CCNF: variants seen among roughly 807,000 people sequenced by gnomAD.
The protein encoded by CCNF is cyclin-F.
Under a neutral mutation model 85.4 loss-of-function variants are expected in CCNF, and 30 were observed. The ratio of observed to expected loss-of-function variants is 0.35; its 90% CI spans 0.26 to 0.48. The LOEUF (loss-of-function observed/expected upper bound fraction) is 0.48. Ranked by LOEUF, CCNF falls within the 20% of genes least tolerant of loss-of-function variation. The pLI is 0.99. For synonymous variants in CCNF, 439 were observed against 425.1 expected, an observed-to-expected ratio of 1.03 and a Z score of -0.40; for missense variants, 919 against 1,010.4, an observed-to-expected ratio of 0.91 and a Z score of 1.23.
At chr16:2,429,594 G>A (rs2065252463) in intron 1 of CCNF, 97 bp downstream of exon 1, 2 of 1,110,772 alleles carry the variant, frequency 1.8e-6, no homozygotes, top group South Asian at 4.5e-5. Context: ...AGGCCCTGGC[G>A]GCCTGAAGAG....
chr16:2,433,508 G>A lies in CCNF; in HGVS notation c.278+441G>A, dbSNP rs571310681. On this transcript the variant is annotated intron_variant, in intron 3 of 16. Transcript: ENST00000397066. The stretch of plus-strand genomic sequence containing the variant: ...CATGTGCTCATGGTCCCAGGTACCC[G>A]CCGCCCTCAGAACAAACCAAGGAAC... Among the ~76,000 whole-genome samples the A allele has an allele frequency of 8.4e-4, 128 of 152,306 alleles. 1 individual carries two copies. The highest frequency in any genetic ancestry group is 3.0e-3 in the African/African-American group (123 of 41,574).
At chr16:2,455,041 C>CAGAGCA (rs2065417963) in intron 15 of CCNF, among the ~76,000 whole-genome samples, 2 of 123,000 alleles carry the variant, frequency 1.6e-5, no homozygotes, top group Non-Finnish European at 3.1e-5. Context: ...GCCTGGGCGA[C>CAGAGCA]AGAGCAAGAA....
rs1567384300 is a variant in CCNF at position 2,438,058 on chromosome 16, C to A, written c.541-12C>A. ...GTGCTGGAAATCACACTTCTTTCTCCTTTTTTTAAAGACTCACAAAGCATC... is the reference window on the plus strand; with the variant it reads ...GTGCTGGAAATCACACTTCTTTCTCATTTTTTTAAAGACTCACAAAGCATC... On this transcript the variant is annotated splice_polypyrimidine_tract_variant and intron_variant, in intron 5 of 16. Coordinates refer to ENST00000397066, the MANE Select transcript of CCNF (RefSeq NM_001761.3). 1.2e-6 allele frequency: 2 copies of A among 1,602,898 alleles called. No homozygotes were observed. Among genetic ancestry groups the A allele is most frequent in the Non-Finnish European group, 1.7e-6 (2 of 1,169,828 alleles).
In CCNF at chr16:2,448,408, TATG is replaced by T. The variant is rs553393216; in HGVS notation, c.1095-441_1095-439del. On this transcript the variant is annotated intron_variant, in intron 10 of 16. Transcript: ENST00000397066. The stretch of plus-strand genomic sequence containing the variant: ...TTTCTGACCTCCCCTTTGTTATTAT[TATG>T]ATGATTATTTTTTGAGACAGTGTCT... Among the ~76,000 whole-genome samples, 523 of 152,164 alleles carry T rather than the reference TATG, an allele frequency of 3.4e-3. 5 individuals carry two copies. The highest frequency in any genetic ancestry group is 0.015 in the South Asian group (71 of 4,816).
chr16:2,440,111 G>A (rs2065313441), intron 8 of CCNF, among the ~76,000 whole-genome samples: 1 of 152,224 alleles, frequency 6.6e-6, no homozygotes, highest in African/African-American at 2.4e-5. Flanking sequence ...TATAGCTGCT[G>A]TCAAAATTTG....
At chr16:2,446,805 A>G (rs2065364571) in intron 10 of CCNF, among the ~76,000 whole-genome samples, 1 of 152,282 alleles carries the variant, frequency 6.6e-6, no homozygotes, top group Non-Finnish European at 1.5e-5. Flanking sequence ...TCTGCCACCA[A>G]CTAGGGTGCT....
chr16:2,454,763 A>G (rs2141831722), intron 15 of CCNF, among the ~76,000 whole-genome samples: 1 of 152,246 alleles, frequency 6.6e-6, no homozygotes, highest in South Asian at 2.1e-4. Flanking sequence ...GCACCTTATT[A>G]ATCAACACCA....
At position 2,443,696 on chromosome 16, in the gene CCNF, G is replaced by A; in HGVS notation, c.825G>A (p.Glu275=). The A allele has an allele frequency of 6.2e-7, 1 of 1,613,970 alleles. No individual in the cohort carries two copies. Among genetic ancestry groups the A allele is most frequent in the Middle Eastern group, 1.6e-4 (1 of 6,062 alleles). Residue 275 remains glutamate, a synonymous_variant, in exon 9 of 17, where the codon GAG becomes GAA. Coordinates refer to ENST00000397066, the MANE Select transcript of CCNF (RefSeq NM_001761.3). ...CAAATGCAAACCAGCTTGGACTGGA[G>A]GTGAGAGCTTCCAGTGAGATCGTCT... is the stretch of plus-strand genomic sequence containing the variant. ...ACANANQLGL[E]VRASSEIVCQ...
chr16:2,453,779 CTGTGG>C lies in CCNF; in HGVS notation c.1715+243_1715+247del, dbSNP rs202212196. Among the ~76,000 whole-genome samples, 1,744 of 152,318 alleles carry C rather than the reference CTGTGG, an allele frequency of 0.011. 36 individuals are homozygous for C. The highest frequency in any genetic ancestry group is 0.038 in the African/African-American group (1,594 of 41,558). ...TTGCCTCTCGCTCTGACTGGGCTCC[CTGTGG>C]AGGAAGATGGTTTCGAGCACGCGGG... On this transcript the variant is annotated intron_variant, in intron 15 of 16. Transcript: ENST00000397066. This position sits in a 1 kb window ranked among gnomAD's most constrained non-coding sequence, Gnocchi z 5.6.
At chr16:2,430,055 G>T (rs2065255149) in intron 1 of CCNF, among the ~76,000 whole-genome samples, 1 of 152,192 alleles carries the variant, frequency 6.6e-6, no homozygotes, top group Non-Finnish European at 1.5e-5. Context: ...TTTATGGAGA[G>T]GTCTATAGAA....
chr16:2,433,105 GC>G (rs1446064026), intron 3 of CCNF, 38 bp downstream of exon 3: 1 of 1,355,614 alleles, frequency 7.4e-7, no homozygotes. Context: ...GTCTTCTCCT[GC>G]CTTGGCCTCC....
intron 10 of CCNF, among the ~76,000 whole-genome samples, chr16:2,447,941 A>G (rs1315878126): frequency 6.6e-6 from 1 of 152,154 alleles, no homozygotes; most frequent in Non-Finnish European, 1.5e-5. Flanking sequence ...GGTCAAGTGA[A>G]TGACGCATGC....
intron 10 of CCNF, among the ~76,000 whole-genome samples, chr16:2,448,257 G>C (rs1049543467): frequency 6.6e-6 from 1 of 152,234 alleles, no homozygotes; most frequent in East Asian, 1.9e-4. Flanking sequence ...GCAAATCTCT[G>C]TCCTTGGTGT....
chr16:2,436,643 C>G (rs774772235), intron 4 of CCNF: 2 of 152,440 alleles, frequency 1.3e-5, no homozygotes, highest in African/African-American at 2.4e-5. Flanking sequence ...GAGCAGTTCC[C>G]AGACATAAAA....
At chr16:2,445,034 C>T (rs1015472530) in intron 9 of CCNF, among the ~76,000 whole-genome samples, 1 of 151,996 alleles carries the variant, frequency 6.6e-6, no homozygotes, top group Admixed American at 6.6e-5. Context: ...CTACAAGTGT[C>T]TCCACTCTAT....
At chr16:2,438,173 A>G in intron 6 of CCNF, 50 bp downstream of exon 6, 2 of 1,314,170 alleles carry the variant, frequency 1.5e-6, no homozygotes, top group Non-Finnish European at 2.2e-6. Flanking sequence ...ATACATCCCT[A>G]GCCGAGATCC....
At chr16:2,443,590 A>C in intron 8 of CCNF, 59 bp from the exon 9 acceptor site, 1 of 1,582,110 alleles carries the variant, frequency 6.3e-7, no homozygotes, top group Non-Finnish European at 8.6e-7. Context: ...TTTGCTTCAG[A>C]AATGGAAAAC....
rs1358532037 is a variant in CCNF at position 2,456,668 on chromosome 16, C to A, written c.2009C>A (p.Ala670Glu). ...GACAAGGGACCCCAGGACCCACAGG[C>A]ACTGGCGCTGGACACCCAGATCCCT... ...PEDKGPQDPQ[A>E]LALDTQIPAT... The change falls in exon 17 of 17, where the codon GCA (alanine) becomes GAA (glutamate). Residue 670 changes from alanine to glutamate, a missense_variant. By Grantham distance (107) the Ala-to-Glu change is moderately radical. Transcript: ENST00000397066. The surrounding 1 kb of genome is among the most constrained non-coding windows in gnomAD (Gnocchi z 4.5). 14 of 1,613,398 alleles carry A rather than the reference C, an allele frequency of 8.7e-6. No homozygotes were observed. Among genetic ancestry groups the A allele is most frequent in the African/African-American group, 1.3e-5 (1 of 74,926 alleles).
chr16:2,454,385 C>T (rs990242664), intron 15 of CCNF, among the ~76,000 whole-genome samples: 2 of 152,200 alleles, frequency 1.3e-5, no homozygotes, highest in Non-Finnish European at 2.9e-5. Context: ...GGGCCAGGGT[C>T]ATCACGAGGA....
Sources: gnomAD v4.1 joint callset for allele counts (sites outside exome capture counted in the v4.1 genomes callset) on GRCh38, gnomAD v4.1.1 for gene constraint, Gnocchi (gnomAD v3.1) non-coding constraint, MANE v1.5 for transcripts, NCBI Gene and HGNC (gene_info 2026-07-23, HGNC 2026-07-21) for gene names.